The following AKR1B10 variants were observed in gnomAD, a reference collection of about 807,000 sequenced individuals.
AKR1B10 encodes ARP.
Under a neutral mutation model 38.9 loss-of-function variants are expected in AKR1B10, and 39 were observed. The ratio of observed to expected loss-of-function variants is 1.00; its 90% CI spans 0.78 to 1.31. The LOEUF (loss-of-function observed/expected upper bound fraction) is 1.31. Ranked by LOEUF, AKR1B10 falls within the 50% of genes most tolerant of loss-of-function variation. The probability of loss-of-function intolerance (pLI) is 0.00; values close to 1 mark genes in which losing one functional copy is unlikely to be tolerated. For synonymous variants in AKR1B10, 148 were observed against 141.2 expected (o/e 1.05, Z -0.34); for missense variants, 361 against 382.6 (o/e 0.94, Z 0.47).
intron 3 of AKR1B10, 100 bp downstream of exon 3, chr7:134,532,124 C>T: frequency 5.7e-6 from 8 of 1,391,426 alleles, no homozygotes; most frequent in Non-Finnish European, 8.1e-6. Context: ...GGGCAGGAGG[C>T]CTTGCATTTC....
intron 1 of AKR1B10, among the ~76,000 whole-genome samples, chr7:134,528,801 C>T (rs1807770107): frequency 6.6e-6 from 1 of 152,102 alleles, no homozygotes; most frequent in Non-Finnish European, 1.5e-5. Context: ...AGGCTCCAAC[C>T]CAGGCTACCT....
intron 1 of AKR1B10, among the ~76,000 whole-genome samples, chr7:134,530,110 C>T (rs1708429): frequency 0.46 from 69,109 of 151,862 alleles, 16,255 homozygotes; most frequent in African/African-American, 0.57. Flanking sequence ...AGTAAGTGAT[C>T]GAATCCAGAT....
chr7:134,533,165 G>A, intron 4 of AKR1B10, 84 bp downstream of exon 4: 1 of 1,074,338 alleles, frequency 9.3e-7, no homozygotes, highest in Non-Finnish European at 1.3e-6. Context: ...ATGAGGCCAT[G>A]TGCCTGATGC....
intron 9 of AKR1B10, among the ~76,000 whole-genome samples, chr7:134,540,029 CA>C (rs1808106800): frequency 6.6e-6 from 1 of 152,090 alleles, no homozygotes; most frequent in Non-Finnish European, 1.5e-5. Flanking sequence ...AGATCAAGAC[CA>C]TCCTGGCTAA....
At chr7:134,539,700 A>T (rs1808099135) in intron 9 of AKR1B10, among the ~76,000 whole-genome samples, 1 of 152,186 alleles carries the variant, frequency 6.6e-6, no homozygotes, top group Non-Finnish European at 1.5e-5. Flanking sequence ...TGCCTCTTAA[A>T]GGAGGTGGTG....
intron 1 of AKR1B10, among the ~76,000 whole-genome samples, chr7:134,528,662 C>T (rs1475827977): frequency 3.3e-5 from 5 of 152,026 alleles, no homozygotes; most frequent in South Asian, 2.1e-4. Flanking sequence ...GGGGTCAAGG[C>T]TGCAATGAGC....
At chr7:134,534,607 G>T (rs1807949145) in intron 4 of AKR1B10, among the ~76,000 whole-genome samples, 2 of 152,200 alleles carry the variant, frequency 1.3e-5, no homozygotes, top group Non-Finnish European at 2.9e-5. Flanking sequence ...GCTCTGATTT[G>T]AAATGAGCAG....
intron 1 of AKR1B10, among the ~76,000 whole-genome samples, chr7:134,528,543 G>A (rs1807757191): frequency 6.6e-6 from 1 of 152,142 alleles, no homozygotes; most frequent in African/African-American, 2.4e-5. Context: ...GGGCAACATG[G>A]CAAGAATCCA....
chr7:134,538,334 C>T (rs1321129788), intron 8 of AKR1B10, 57 bp downstream of exon 8: 2 of 1,502,728 alleles, frequency 1.3e-6, no homozygotes, highest in Non-Finnish European at 1.8e-6. Context: ...GACAGGCAGA[C>T]CTTCTCACTA....
intron 4 of AKR1B10, among the ~76,000 whole-genome samples, chr7:134,535,080 G>C (rs372617656): frequency 6.6e-6 from 1 of 152,056 alleles, no homozygotes; most frequent in Non-Finnish European, 1.5e-5. Flanking sequence ...TCGGACTCCT[G>C]GGCTGAAGCA....
At position 134,536,772 on chromosome 7, in the gene AKR1B10, G is replaced by A. The variant is rs1050448037; in HGVS notation, c.552G>A (p.Gln184=). The A allele has an allele frequency of 1.9e-6, 3 of 1,613,806 alleles. No homozygotes were observed. The Admixed American group carries it at 5.0e-5, about 27-fold the overall frequency. The stretch of plus-strand genomic sequence containing the variant: ...TGAAATATAAACCAGTGACTAACCA[G>A]GTAAATTCTATTCAGTTTAAGGGTA... ...PGLKYKPVTN[Q]VECHPYLTQE... The change falls in exon 5 of 10, where the codon CAG becomes CAA. Residue 184 remains glutamine, a splice_region_variant and synonymous_variant. Transcript: ENST00000359579.
At chr7:134,528,502 T>G (rs1026295065) in intron 1 of AKR1B10, among the ~76,000 whole-genome samples, 2 of 151,396 alleles carry the variant, frequency 1.3e-5, no homozygotes, top group Admixed American at 1.3e-4. Flanking sequence ...GACGGGAGGG[T>G]TGCTTGAGCC....
chr7:134,535,051 A>G (rs1205880276), intron 4 of AKR1B10, among the ~76,000 whole-genome samples: 1 of 151,990 alleles, frequency 6.6e-6, no homozygotes, highest in Non-Finnish European at 1.5e-5. Flanking sequence ...CAATGGCATC[A>G]TCATAGTTTA....
intron 9 of AKR1B10, among the ~76,000 whole-genome samples, chr7:134,539,502 G>A (rs556224915): frequency 6.6e-6 from 1 of 152,274 alleles, no homozygotes; most frequent in South Asian, 2.1e-4. Flanking sequence ...GCGGTGGGTG[G>A]TAGTGGGACT....
intron 1 of AKR1B10, among the ~76,000 whole-genome samples, chr7:134,528,826 C>T (rs114216941): frequency 1.7e-3 from 263 of 152,272 alleles, no homozygotes; most frequent in African/African-American, 6.2e-3. Context: ...GGCATCTGCA[C>T]TTTAACAAGA....
chr7:134,540,654 G>A (rs1808126626), intron 9 of AKR1B10, among the ~76,000 whole-genome samples: 2 of 152,162 alleles, frequency 1.3e-5, no homozygotes, highest in Admixed American at 1.3e-4. Flanking sequence ...ATGTGCCAGG[G>A]TCCTGCGCCC....
At position 134,541,396 on chromosome 7, in the gene AKR1B10, AT is replaced by A. The variant is rs1309078116; in HGVS notation, c.*308del. 4 of 303,200 alleles carry A rather than the reference AT, an allele frequency of 1.3e-5. No individual in the cohort carries two copies. Among genetic ancestry groups the A allele is most frequent in the African/African-American group, 2.3e-5 (1 of 44,138 alleles). The allele number at this position is 303,200 out of a possible 1,614,324, so 18.8% of individuals were successfully genotyped here. A position where few individuals can be genotyped will look rare whatever the true frequency, so the allele number is the denominator to read the frequency against. ...GAGGATGTAAAGATCAATAAAAAAA[AT>A]AATAATCATAACCAACATGTATTGA... On this transcript the variant is annotated 3_prime_UTR_variant, in exon 10 of 10. Transcript: ENST00000359579.
chr7:134,529,882 C>T (rs969204887), intron 1 of AKR1B10, among the ~76,000 whole-genome samples: 10 of 151,758 alleles, frequency 6.6e-5, no homozygotes, highest in African/African-American at 2.4e-4. Flanking sequence ...AAACTCTATT[C>T]CTATAAGGTT....
chr7:134,533,024 C>T lies in AKR1B10; in HGVS notation c.372C>T (p.Pro124=), dbSNP rs1330441542. The stretch of plus-strand genomic sequence containing the variant: ...CACAGTCTGGGGATGACCTTTTCCC[C>T]AAAGATGATAAAGGTAATGCCATCG... ...QGFKSGDDLF[P]KDDKGNAIGG... The change falls in exon 4 of 10, where the codon CCC becomes CCT. Residue 124 remains proline (P), a synonymous_variant. Coordinates refer to ENST00000359579, the MANE Select transcript of AKR1B10 (RefSeq NM_020299.5). 2.7e-5 allele frequency: 43 copies of T among 1,601,304 alleles called. 1 individual carries two copies. The Admixed American group carries it at 5.8e-4, about 22-fold the overall frequency.
Sources: allele counts gnomAD v4.1 joint callset (sites outside exome capture counted in the v4.1 genomes callset), GRCh38; gene constraint gnomAD v4.1.1; transcripts MANE v1.5; gene names NCBI Gene and HGNC (gene_info 2026-07-23, HGNC 2026-07-21).